The following UNC79 variants were observed in gnomAD, a reference collection of about 807,000 sequenced individuals.
UNC79 encodes the protein protein unc-79 homolog.
Under a neutral mutation model 283.1 loss-of-function variants are expected in UNC79, and 37 were observed. That is an observed-to-expected ratio of 0.13 (90% CI 0.10 to 0.17). The LOEUF is 0.17. UNC79 is among the 10% of genes least tolerant of loss of function. The pLI is 1.00. For synonymous variants in UNC79, 1,107 were observed against 1,200.2 expected (o/e 0.92, Z 1.61); for missense variants, 2,272 against 3,211.1 (o/e 0.71, Z 7.07).
At chr14:93,428,555 G>A (rs1286082672), upstream of UNC79, among the ~76,000 whole-genome samples, 1 of 152,148 alleles carries the variant, frequency 6.6e-6, no homozygotes, top group East Asian at 1.9e-4. Flanking sequence ...GTGAGTTAAT[G>A]GGCATGTCAG....
chr14:93,641,324 G>GA, intron 33 of UNC79, 77 bp downstream of exon 36: 1 of 1,388,584 alleles, frequency 7.2e-7, no homozygotes, highest in African/African-American at 1.4e-5. Flanking sequence ...GAAAGTTTCA[G>GA]AAAAAGCATG....
At chr14:93,647,949 T>C (rs2069810821) in intron 35 of UNC79, among the ~76,000 whole-genome samples, 1 of 152,150 alleles carries the variant, frequency 6.6e-6, no homozygotes, top group African/African-American at 2.4e-5. Flanking sequence ...CCATCAGATC[T>C]CGTGAGACTT....
intron 1 of UNC79, among the ~76,000 whole-genome samples, chr14:93,375,987 C>G (rs2054550967): frequency 6.6e-6 from 1 of 152,138 alleles, no homozygotes; most frequent in Non-Finnish European, 1.5e-5. Context: ...ATTCCCTGTG[C>G]CACCTTGGGA....
At chr14:93,561,489 C>T (rs2062549374) in intron 14 of UNC79, among the ~76,000 whole-genome samples, 1 of 151,770 alleles carries the variant, frequency 6.6e-6, no homozygotes, top group South Asian at 2.1e-4. Flanking sequence ...GTTTCCCAGC[C>T]TGTATATAAG....
chr14:93,426,522 A>G (rs577784436), upstream of UNC79, among the ~76,000 whole-genome samples: 2 of 151,492 alleles, frequency 1.3e-5, no homozygotes, highest in African/African-American at 4.8e-5. Flanking sequence ...TTATTGTCTC[A>G]CAGGCCCCAG....
intron 14 of UNC79, among the ~76,000 whole-genome samples, chr14:93,546,342 G>T (rs781457927): frequency 2.0e-5 from 3 of 152,190 alleles, no homozygotes; most frequent in Non-Finnish European, 4.4e-5. Context: ...AAAGGCAAGA[G>T]GGGGGTTGGC....
chr14:93,482,041 A>G, intron 4 of UNC79, among the ~76,000 whole-genome samples: 1 of 152,232 alleles, frequency 6.6e-6, no homozygotes, highest in East Asian at 1.9e-4. Flanking sequence ...TGTGAAGACC[A>G]TGGAATAATG....
At chr14:93,401,026 T>C (rs958299975) in intron 1 of UNC79, among the ~76,000 whole-genome samples, 1 of 152,074 alleles carries the variant, frequency 6.6e-6, no homozygotes, top group Admixed American at 6.6e-5. Flanking sequence ...GAGGTGTTGA[T>C]GGGGATAGGA....
At chr14:93,581,164 TA>T (rs999463994) in intron 19 of UNC79, among the ~76,000 whole-genome samples, 3 of 152,042 alleles carry the variant, frequency 2.0e-5, no homozygotes, top group Admixed American at 6.5e-5. Flanking sequence ...TAAATTTTTT[TA>T]AAAAAATTAT....
At chr14:93,403,657 C>T (rs962836277) in intron 1 of UNC79, among the ~76,000 whole-genome samples, 2 of 152,158 alleles carry the variant, frequency 1.3e-5, no homozygotes, top group Non-Finnish European at 1.5e-5. Context: ...ATTTGCAGAA[C>T]ACTGATGATC....
chr14:93,565,299 C>A (rs1227443890), intron 14 of UNC79, among the ~76,000 whole-genome samples: 1 of 152,130 alleles, frequency 6.6e-6, no homozygotes, highest in East Asian at 1.9e-4. Flanking sequence ...TTTGTTGCAG[C>A]CCTTAATGCA....
At chr14:93,641,186 A>C (rs2140201113) in exon 33 of UNC79, 1 of 1,613,838 alleles carries the variant, frequency 6.2e-7, no homozygotes. Context: ...AAGCATAGTC[A>C]GTATGTTTGT....
chr14:93,370,275 T>C (rs2054415410), intron 1 of UNC79, among the ~76,000 whole-genome samples: 1 of 152,112 alleles, frequency 6.6e-6, no homozygotes, highest in African/African-American at 2.4e-5. Context: ...AAAACGACTA[T>C]GATTAATTGC....
intron 17 of UNC79, among the ~76,000 whole-genome samples, chr14:93,576,957 G>T (rs2063509562): frequency 6.6e-6 from 1 of 152,016 alleles, no homozygotes; most frequent in Non-Finnish European, 1.5e-5. Flanking sequence ...ACCAGCCTGG[G>T]CCACATAATG....
intron 1 of UNC79, among the ~76,000 whole-genome samples, chr14:93,407,379 A>G (rs997952850): frequency 3.3e-5 from 5 of 152,146 alleles, no homozygotes; most frequent in African/African-American, 1.2e-4. Context: ...TAATTGACAC[A>G]TTGCTGGAGG....
intron 47 of UNC79, among the ~76,000 whole-genome samples, chr14:93,704,188 G>A (rs1483496897): frequency 1.3e-5 from 2 of 152,088 alleles, no homozygotes; most frequent in East Asian, 1.9e-4. Context: ...GGTCTTTCTC[G>A]CTCACTTAAG....
At chr14:93,463,485 A>T (rs116617513) in intron 1 of UNC79, among the ~76,000 whole-genome samples, 1 of 152,122 alleles carries the variant, frequency 6.6e-6, no homozygotes. Context: ...GACAAGAGAG[A>T]TTCTACAGTT....
chr14:93,657,312 C>T (rs561410136), intron 38 of UNC79, among the ~76,000 whole-genome samples: 25 of 152,080 alleles, frequency 1.6e-4, no homozygotes, highest in African/African-American at 5.8e-4. Context: ...GCTAAAGAGC[C>T]GCACAGGCTA....
At chr14:93,517,330 T>C (rs796422599) in intron 7 of UNC79, among the ~76,000 whole-genome samples, 188 of 146,764 alleles carry the variant, frequency 1.3e-3, no homozygotes, top group African/African-American at 3.2e-3. Context: ...CTTCTCTTTT[T>C]TTTTTTTTTT....
Sources: gnomAD v4.1 joint callset for allele counts (sites outside exome capture counted in the v4.1 genomes callset) on GRCh38, gnomAD v4.1.1 for gene constraint, MANE v1.5 for transcripts, NCBI Gene and HGNC (gene_info 2026-07-23, HGNC 2026-07-21) for gene names.